The following DEPDC1 variants were observed in gnomAD, a reference collection of about 807,000 sequenced individuals.
The protein encoded by DEPDC1 is DEP domain containing 1, also known as DEP domain-containing protein 1A.
A neutral mutation model predicts 86.8 loss-of-function variants in DEPDC1; 66 were observed. The ratio of observed to expected loss-of-function variants is 0.76; its 90% confidence interval spans 0.62 to 0.93. The LOEUF is 0.93. Among genes scored for constraint, DEPDC1 ranks in the 40% least tolerant of loss-of-function variants. The probability of loss-of-function intolerance (pLI) is 0.00; values close to 1 mark genes in which losing one functional copy is unlikely to be tolerated. For synonymous variants in DEPDC1, 255 were observed against 314.9 expected (o/e 0.81, Z 2.02); for missense variants, 792 against 935.7 (o/e 0.85, Z 2.00).
rs534583672 is a variant in DEPDC1, at chr1:68,479,188, G to A, written c.2068C>T (p.Gln690Ter). The A allele has an allele frequency of 6.8e-6, 11 of 1,611,630 alleles. No homozygotes were observed. The highest frequency in any genetic ancestry group is 1.7e-5 in the Admixed American group (1 of 59,756). Residue 690 changes from glutamine (Q) to a stop codon, truncating the protein, a stop_gained, in exon 10 of 12, where the codon CAG (glutamine) becomes TAG (stop). Transcript: ENST00000456315. LOFTEE classifies it high-confidence loss of function. The stretch of plus-strand genomic sequence containing the variant: ...TCAAGATGTTTTTCCACTGCAGTCT[G>A]TAAGTAAGAGGGTACTTGAAGAATT... ...QEILQVPSYL[Q>*]TAVEKHLDYL...
In DEPDC1 at chr1:68,495,355, T is replaced by C. The variant is rs1285390534; in HGVS notation, c.49-660A>G. ...CATCCCTGTTTTTTACCTCAATTAA[T>C]ATTAATGTTGGTAGCACTGTGCTTC... On this transcript the variant is annotated intron_variant, in intron 1 of 11. Coordinates refer to ENST00000456315, the MANE Select transcript of DEPDC1 (RefSeq NM_001114120.3). Among the ~76,000 whole-genome samples the C allele has an allele frequency of 2.0e-5, 3 of 152,226 alleles. No homozygotes were observed. In the East Asian group the frequency reaches 5.8e-4, roughly 29 times the overall value.
intron 7 of DEPDC1, 60 bp from the exon 8 acceptor site, chr1:68,482,957 CA>C: frequency 2.0e-6 from 3 of 1,481,806 alleles, no homozygotes; most frequent in East Asian, 2.3e-5. Context: ...AAAAATAAAA[CA>C]AAAACAATAG....
chr1:68,484,135 T>C (rs752274438), intron 6 of DEPDC1, 45 bp from the exon 7 acceptor site: 66 of 1,370,154 alleles, frequency 4.8e-5, no homozygotes, highest in Non-Finnish European at 5.6e-5. Flanking sequence ...ATATTTTAAT[T>C]TAAATACAAT....
intron 2 of DEPDC1, among the ~76,000 whole-genome samples, chr1:68,491,076 A>G (rs988517797): frequency 1.3e-5 from 2 of 152,232 alleles, no homozygotes; most frequent in African/African-American, 4.8e-5. Flanking sequence ...AAAACTATAA[A>G]AAACCTGGAA....
intron 9 of DEPDC1, among the ~76,000 whole-genome samples, chr1:68,480,025 T>C (rs536696273): frequency 2.6e-5 from 4 of 152,154 alleles, no homozygotes; most frequent in Admixed American, 1.3e-4. Flanking sequence ...GTGTAACATA[T>C]AGAACACTTC....
Position 68,477,798 on chromosome 1 carries a change from T to A in DEPDC1, c.2287A>T (p.Lys763Ter). ...GCTCATTCTCTTACCTGTTTTAGTT[T>A]TTTTCTTTTCTCCTTTAGAGGTAAA... Reference protein sequence around the residue: ...RSLPLKEKRKKLKQFQKEYPL... With the variant: ...RSLPLKEKRK The change falls in exon 11 of 12, where the codon AAA (lysine) becomes TAA (stop). Residue 763 changes from lysine (K) to a stop codon, truncating the protein, a stop_gained. Coordinates refer to ENST00000456315, the MANE Select transcript of DEPDC1 (RefSeq NM_001114120.3). LOFTEE classifies it high-confidence loss of function. The A allele has an allele frequency of 6.6e-7, 1 of 1,515,892 alleles. No homozygotes were observed. Among genetic ancestry groups the A allele is most frequent in the Non-Finnish European group, 8.9e-7 (1 of 1,128,148 alleles). The allele number at this position is 1,515,892 out of a possible 1,614,324, so 93.9% of individuals were successfully genotyped here.
In DEPDC1 at chr1:68,496,655, C is replaced by T. The variant is rs1255625850; in HGVS notation, c.48+297G>A. On this transcript the variant is annotated intron_variant, in intron 1 of 11. Transcript: ENST00000456315. This position sits in a 1 kb window ranked among gnomAD's most constrained non-coding sequence, Gnocchi z 4.0. The stretch of plus-strand genomic sequence containing the variant: ...CAAATCGGAATATTCTAAGACGCCC[C>T]CACGGGACGCCGGCCACACCAGGCA... 5.6e-6 allele frequency: 2 copies of T among 358,088 alleles called. No individual in the cohort carries two copies. The highest frequency in any genetic ancestry group is 4.6e-5 in the Admixed American group (1 of 21,880). The allele number at this position is 358,088 out of a possible 1,614,324, so 22.2% of individuals were successfully genotyped here.
rs1646264288 is a variant in DEPDC1 at position 68,496,260 on chromosome 1, TAG to T, written c.48+690_48+691del. ...GAAACCCCTTAAGGCAAGCATGTAT[TAG>T]TAACCTTTACCAATGTGGAAACAGG... On this transcript the variant is annotated intron_variant, in intron 1 of 11. Coordinates refer to ENST00000456315, the MANE Select transcript of DEPDC1 (RefSeq NM_001114120.3). This position sits in a 1 kb window ranked among gnomAD's most constrained non-coding sequence, Gnocchi z 4.0. Among the ~76,000 whole-genome samples the T allele has an allele frequency of 1.3e-5, 2 of 152,198 alleles. No individual in the cohort carries two copies. The highest frequency in any genetic ancestry group is 2.9e-5 in the Non-Finnish European group (2 of 68,034).
intron 5 of DEPDC1, among the ~76,000 whole-genome samples, chr1:68,487,920 G>T (rs1646203549): frequency 6.6e-6 from 1 of 151,778 alleles, no homozygotes; most frequent in Non-Finnish European, 1.5e-5. Context: ...TTGAAAGTCT[G>T]AGCTTATTTT....
intron 1 of DEPDC1, 53 bp from the exon 2 acceptor site, chr1:68,494,748 T>C: frequency 2.1e-6 from 3 of 1,447,352 alleles, no homozygotes; most frequent in East Asian, 2.4e-5. Flanking sequence ...TTAAATCTCA[T>C]ATTGATTTGA....
In DEPDC1 at chr1:68,486,881, AACACACACACAC is replaced by A. The variant is rs55915411; in HGVS notation, c.769+44_769+55del. 198 of 1,177,288 alleles carry A rather than the reference AACACACACACAC, an allele frequency of 1.7e-4. No homozygotes were observed. The Middle Eastern group carries it at 1.9e-3, about 11-fold the overall frequency. The allele number at this position is 1,177,288 out of a possible 1,614,324, so 72.9% of individuals were successfully genotyped here. ...GGTTCTTGTTAAATACTATCAATAT[AACACACACACAC>A]ACACACACACACACACACACACACA... is the stretch of plus-strand genomic sequence containing the variant. On this transcript the variant is annotated intron_variant, in intron 6 of 11. Coordinates refer to ENST00000456315, the MANE Select transcript of DEPDC1 (RefSeq NM_001114120.3).
intron 2 of DEPDC1, among the ~76,000 whole-genome samples, chr1:68,491,775 AT>A (rs1289813178): frequency 6.6e-6 from 1 of 151,178 alleles, no homozygotes; most frequent in Non-Finnish European, 1.5e-5. Context: ...CCATATATCA[AT>A]TTTTTTTTCT....
rs1161710033 is a variant in DEPDC1, at chr1:68,488,964, A to C, written c.542T>G (p.Leu181Arg). ...DQENAIDNRELSQEDVEEVWR... is the reference protein window; with the variant it reads ...DQENAIDNRERSQEDVEEVWR... ...AACTTCTTCAACATCTTCCTGGCTT[A>C]GTTCTCTATTATCAATTGCATTTTC... The change falls in exon 4 of 12, where the codon CTA becomes CGA. Residue 181 changes from leucine (L) to arginine (R), a missense_variant. Coordinates refer to ENST00000456315, the MANE Select transcript of DEPDC1 (RefSeq NM_001114120.3). 6.2e-7 allele frequency: 1 copy of C among 1,606,154 alleles called. No homozygotes were observed. Among genetic ancestry groups the C allele is most frequent in the South Asian group, 1.1e-5 (1 of 90,782 alleles).
In DEPDC1 at chr1:68,484,937, C is replaced by CATATATATAT. The variant is rs71581173; in HGVS notation, c.770-857_770-848dup. On this transcript the variant is annotated intron_variant, in intron 6 of 11. Coordinates refer to ENST00000456315, the MANE Select transcript of DEPDC1 (RefSeq NM_001114120.3). The stretch of plus-strand genomic sequence containing the variant: ...CTTCACTATAGTAATCTTCTGGAGG[C>CATATATATAT]ATATATATATATATATATTTTTTAA... Among the ~76,000 whole-genome samples the CATATATATAT allele has an allele frequency of 9.3e-4, 138 of 147,818 alleles. No homozygotes were observed. In the Middle Eastern group the frequency reaches 0.011, roughly 11 times the overall value.
rs1646101332 is a variant in DEPDC1, at chr1:68,474,417, T to C, written c.*2515A>G. On this transcript the variant is annotated 3_prime_UTR_variant, in exon 12 of 12. Transcript: ENST00000456315. ...CATTACTAAATGCCACATAACTGTT[T>C]GGATAACATAAGAAGAGTGGGTCAT... is the stretch of plus-strand genomic sequence containing the variant. 1 of 152,064 alleles carries C rather than the reference T, an allele frequency of 6.6e-6. No homozygotes were observed. Among genetic ancestry groups the C allele is most frequent in the Admixed American group, 6.6e-5 (1 of 15,244 alleles). The allele number at this position is 152,064 out of a possible 1,614,324, so 9.4% of individuals were successfully genotyped here.
chr1:68,486,401 T>C (rs1023094300), intron 6 of DEPDC1, among the ~76,000 whole-genome samples: 9 of 152,122 alleles, frequency 5.9e-5, no homozygotes, highest in Non-Finnish European at 1.2e-4. Context: ...TCCTCAGCCA[T>C]GTTTCCTATA....
intron 9 of DEPDC1, among the ~76,000 whole-genome samples, chr1:68,479,601 G>A (rs553278852): frequency 6.6e-6 from 1 of 151,974 alleles, no homozygotes; most frequent in African/African-American, 2.4e-5. Flanking sequence ...CAAGGAGTTC[G>A]AAGCCAGCCT....
chr1:68,486,497 A>T (rs1218500455), intron 6 of DEPDC1, among the ~76,000 whole-genome samples: 1 of 152,024 alleles, frequency 6.6e-6, no homozygotes, highest in African/African-American at 2.4e-5. Context: ...GCACGAGAAC[A>T]AACTAATACA....
intron 6 of DEPDC1, among the ~76,000 whole-genome samples, chr1:68,486,195 G>C (rs546206295): frequency 6.6e-6 from 1 of 152,198 alleles, no homozygotes; most frequent in South Asian, 2.1e-4. Flanking sequence ...GGCCTGGTGG[G>C]AGGTGATTGA....
Sources: gnomAD v4.1 joint callset for allele counts (sites outside exome capture counted in the v4.1 genomes callset) on GRCh38, gnomAD v4.1.1 for gene constraint, Gnocchi (gnomAD v3.1) non-coding constraint, MANE v1.5 for transcripts, NCBI Gene and HGNC (gene_info 2026-07-23, HGNC 2026-07-21) for gene names.